Variants in ATIC observed in about 807,000 individuals in gnomAD.
The protein encoded by ATIC is bifunctional purine biosynthesis protein ATIC.
ATIC carries 64 observed loss-of-function variants against 72.5 expected under a neutral mutation model. The observed-to-expected ratio is 0.88, with a 90% CI of 0.72 to 1.09. ATIC has a LOEUF of 1.09. Among genes scored for constraint, ATIC ranks in the 50% least tolerant of loss-of-function variants. The probability of loss-of-function intolerance (pLI) is 0.00; values close to 1 mark genes in which losing one functional copy is unlikely to be tolerated. For missense variants in ATIC, 787 were observed against 732.4 expected (o/e 1.07, Z -0.86); for synonymous variants, 281 against 267.1 (o/e 1.05, Z -0.51).
At chr2:215,322,720 T>G (rs1374479562) in intron 4 of ATIC, among the ~76,000 whole-genome samples, 1 of 152,172 alleles carries the variant, frequency 6.6e-6, no homozygotes, top group Non-Finnish European at 1.5e-5. Flanking sequence ...TATACAGACA[T>G]GAAATAGAAG....
rs376547846 is a variant in ATIC at position 215,348,955 on chromosome 2, T to TAA, written c.1504-127_1504-126dup. 2.3e-3 allele frequency: 1,278 copies of TAA among 554,800 alleles called. 12 individuals are homozygous for TAA. The highest frequency in any genetic ancestry group is 0.021 in the African/African-American group (1,027 of 48,860). 34.4% of individuals were successfully genotyped at this position (554,800 alleles called of 1,614,324 possible). ...CCTGGTGATAGTGCAAAACTCCGTC[T>TAA]AAAAAAAAAAAAATAATAATAATAA... On this transcript the variant is annotated intron_variant, in intron 14 of 15. Transcript: ENST00000236959.
the ATIC span, among the ~76,000 whole-genome samples, chr2:215,355,795 C>T: frequency 5.3e-5 from 8 of 152,218 alleles, no homozygotes; most frequent in Non-Finnish European, 4.4e-5. Context: ...CCCCCACATT[C>T]CTGTGCTTGA....
At chr2:215,312,822 G>A (rs1424559563) in intron 2 of ATIC, among the ~76,000 whole-genome samples, 198 bp downstream of exon 2, 7 of 152,162 alleles carry the variant, frequency 4.6e-5, no homozygotes, top group Non-Finnish European at 8.8e-5. Flanking sequence ...TGGACGGCTG[G>A]GCTAGGTGGC....
the ATIC span, among the ~76,000 whole-genome samples, chr2:215,367,506 T>G: frequency 6.6e-6 from 1 of 152,206 alleles, no homozygotes; most frequent in Non-Finnish European, 1.5e-5. Flanking sequence ...ACACTGAAGA[T>G]TAAAAGAGAT....
At chr2:215,318,737 C>T (rs1285904680) in intron 3 of ATIC, among the ~76,000 whole-genome samples, 2 of 152,098 alleles carry the variant, frequency 1.3e-5, no homozygotes, top group Non-Finnish European at 2.9e-5. Flanking sequence ...GGCTACAGAT[C>T]ATCAGACAAG....
At chr2:215,356,417 T>G in the ATIC span, among the ~76,000 whole-genome samples, 2 of 152,198 alleles carry the variant, frequency 1.3e-5, no homozygotes, top group African/African-American at 4.8e-5. Context: ...GAGCAAAAAT[T>G]AGATTTTCTA....
At chr2:215,329,448 C>T (rs931910356) in intron 7 of ATIC, among the ~76,000 whole-genome samples, 6 of 152,158 alleles carry the variant, frequency 3.9e-5, no homozygotes, top group African/African-American at 1.2e-4. Flanking sequence ...CAGGATTTCT[C>T]CCCAACATGG....
downstream of ATIC, among the ~76,000 whole-genome samples, chr2:215,353,394 A>G (rs1051700831): frequency 6.6e-6 from 1 of 151,134 alleles, no homozygotes; most frequent in South Asian, 2.1e-4. Flanking sequence ...TTGGGGTCAC[A>G]TTTTCACTTA....
chr2:215,354,221 G>A (rs1358790591), downstream of ATIC, among the ~76,000 whole-genome samples: 1 of 151,814 alleles, frequency 6.6e-6, no homozygotes, highest in Non-Finnish European at 1.5e-5. Context: ...TAGAGATGAG[G>A]GTTTCACCAT....
rs751478224 is a variant in ATIC, at chr2:215,336,092, A to G, written c.1066A>G (p.Lys356Glu). 1 of 1,613,284 alleles carries G rather than the reference A, an allele frequency of 6.2e-7. No individual in the cohort carries two copies. Among genetic ancestry groups the G allele is most frequent in the Non-Finnish European group, 8.5e-7 (1 of 1,179,410 alleles). ...YEEEALTILS[K>E]KKNGNYCVLQ... ...AGAAGAAGCCTTGACAATACTTTCC[A>G]AAAAGAAAAATGGAAACTATTGTGT... The change falls in exon 11 of 16, where the codon AAA (lysine) becomes GAA (glutamate). Residue 356 changes from lysine (K) to glutamate (E), a missense_variant. By Grantham distance (56) the Lys-to-Glu change is moderately conservative. Coordinates refer to ENST00000236959, the MANE Select transcript of ATIC (RefSeq NM_004044.7).
Position 215,346,790 on chromosome 2 carries a change from G to A in ATIC, c.1352G>A (p.Arg451His), listed in dbSNP as rs2053075007. 3 of 1,614,152 alleles carry A rather than the reference G, an allele frequency of 1.9e-6. No homozygotes were observed. Among genetic ancestry groups the A allele is most frequent in the East Asian group, 2.2e-5 (1 of 44,874 alleles). ...VIGIGAGQQS[R>H]IHCTRLAGDK... ...GGCATTGGAGCAGGACAGCAGTCTC[G>A]TATACACTGCACTCGCCTTGCAGGA... Residue 451 changes from arginine to histidine, a missense_variant, in exon 14 of 16, where the codon CGT becomes CAT. By Grantham distance (29) the Arg-to-His change is conservative. Transcript: ENST00000236959.
the ATIC span, chr2:215,365,392 C>A: frequency 1.8e-6 from 2 of 1,130,382 alleles, no homozygotes; most frequent in Admixed American, 3.4e-5. Flanking sequence ...ACCCACTGTT[C>A]ACTCCTCAAG....
chr2:215,335,026 T>G (rs1195076408), intron 10 of ATIC, 22 bp downstream of exon 10: 1 of 1,554,776 alleles, frequency 6.4e-7, no homozygotes, highest in Admixed American at 1.7e-5. Context: ...TTCATGTATC[T>G]TAATCTGTGT....
the ATIC span, chr2:215,363,448 A>C: frequency 6.6e-6 from 1 of 152,214 alleles, no homozygotes; most frequent in African/African-American, 2.4e-5. Flanking sequence ...ATTCTCCTCC[A>C]TCAGAATTGG....
intron 13 of ATIC, 22 bp from the exon 14 acceptor site, chr2:215,346,737 C>G: frequency 1.2e-6 from 2 of 1,613,614 alleles, no homozygotes; most frequent in Non-Finnish European, 8.5e-7. Context: ...GAGGTGTTCA[C>G]TTTAATGTCT....
intron 7 of ATIC, among the ~76,000 whole-genome samples, chr2:215,330,225 T>C (rs2052876254): frequency 6.6e-6 from 1 of 152,222 alleles, no homozygotes; most frequent in South Asian, 2.1e-4. Context: ...ATTTTACTTC[T>C]ATTGTTTACT....
chr2:215,331,227 G>A (rs2106015857), intron 7 of ATIC, among the ~76,000 whole-genome samples: 1 of 152,060 alleles, frequency 6.6e-6, no homozygotes, highest in Non-Finnish European at 1.5e-5. Flanking sequence ...TTTTTTTTAA[G>A]AGGGTTGCAG....
the ATIC span, chr2:215,361,633 A>C: frequency 1.2e-6 from 2 of 1,608,578 alleles, no homozygotes; most frequent in Non-Finnish European, 1.7e-6. Flanking sequence ...CATTCTGTTA[A>C]AAAGGAAGAA....
chr2:215,324,510 G>C lies in ATIC; in HGVS notation c.291-731G>C, dbSNP rs562965467. ...TGACATTTGTCTGGTTTTAGTAGGA[G>C]GGCAGTAGACTTAATAAAGATGAGC... On this transcript the variant is annotated intron_variant, in intron 4 of 15. Coordinates refer to ENST00000236959, the MANE Select transcript of ATIC (RefSeq NM_004044.7). 9.9e-5 allele frequency among the ~76,000 whole-genome samples: 15 copies of C among 152,212 alleles called. No homozygotes were observed. The South Asian group carries it at 2.9e-3, about 30-fold the overall frequency.
Sources: gnomAD v4.1 joint callset for allele counts (sites outside exome capture counted in the v4.1 genomes callset) on GRCh38, gnomAD v4.1.1 for gene constraint, MANE v1.5 for transcripts, NCBI Gene and HGNC (gene_info 2026-07-23, HGNC 2026-07-21) for gene names.